The following GRIK3 variants were observed in gnomAD, a reference collection of about 807,000 sequenced individuals.
The protein encoded by GRIK3 is glutamate receptor ionotropic, kainate 3.
In GRIK3, 29 loss-of-function variants were observed where a neutral mutation model predicts 102.5. The observed-to-expected ratio is 0.28, with a 90% CI of 0.21 to 0.39. The LOEUF (loss-of-function observed/expected upper bound fraction) is 0.39. Among genes scored for constraint, GRIK3 ranks in the 10% least tolerant of loss-of-function variants. GRIK3 has a pLI of 1.00. For synonymous variants in GRIK3, 511 were observed against 504.9 expected, an observed-to-expected ratio of 1.01 and a Z score of -0.16; for missense variants, 908 against 1,252.4, an observed-to-expected ratio of 0.73 and a Z score of 4.15.
At position 36,845,642 on chromosome 1, in the gene GRIK3, C is replaced by T. The variant is rs145758113; in HGVS notation, c.1327-3703G>A. Among the ~76,000 whole-genome samples the T allele has an allele frequency of 2.4e-3, 369 of 152,354 alleles. 2 individuals are homozygous for T. Among genetic ancestry groups the T allele is most frequent in the Middle Eastern group, 0.01 (3 of 294 alleles). ...CCACACATGCACGCACAAGTATATACAATGTCCTTGGCACAAATGCACCAC... is the reference window on the plus strand; with the variant it reads ...CCACACATGCACGCACAAGTATATATAATGTCCTTGGCACAAATGCACCAC... On this transcript the variant is annotated intron_variant, in intron 9 of 15. Transcript: ENST00000373091.
At chr1:36,965,611 A>C (rs768266151) in intron 1 of GRIK3, among the ~76,000 whole-genome samples, 19 of 152,146 alleles carry the variant, frequency 1.2e-4, no homozygotes, top group Non-Finnish European at 2.2e-4. Context: ...AGAAGAATTT[A>C]TGACAACTGC....
In GRIK3 at chr1:36,975,237, A is replaced by AT. The variant is rs540680842; in HGVS notation, c.115+58756dup. 7.9e-5 allele frequency among the ~76,000 whole-genome samples: 12 copies of AT among 151,908 alleles called. No homozygotes were observed. In the East Asian group the frequency reaches 2.3e-3, roughly 29 times the overall value. On this transcript the variant is annotated intron_variant, in intron 1 of 15. Coordinates refer to ENST00000373091, the MANE Select transcript of GRIK3 (RefSeq NM_000831.4). ...CACATTGGGACTCAGGTTTTCACAG[A>AT]TAACATCACCCAGGACAAGGCTAAA...
rs548310471 is a variant in GRIK3, at chr1:37,008,711, G to A, written c.115+25283C>T. ...ACTCACCACCCCTGCTCCCAGACAGGGATGGCCCCGCTTGCCTGATGTGGT... is the reference window on the plus strand; with the variant it reads ...ACTCACCACCCCTGCTCCCAGACAGAGATGGCCCCGCTTGCCTGATGTGGT... On this transcript the variant is annotated intron_variant, in intron 1 of 15. Transcript: ENST00000373091. Among the ~76,000 whole-genome samples the A allele has an allele frequency of 5.6e-4, 85 of 152,280 alleles. 1 individual carries two copies. The highest frequency in any genetic ancestry group is 3.4e-3 in the Middle Eastern group (1 of 294).
At chr1:36,997,935 A>C (rs756918755) in intron 1 of GRIK3, among the ~76,000 whole-genome samples, 24 of 152,156 alleles carry the variant, frequency 1.6e-4, no homozygotes, top group Non-Finnish European at 4.4e-5. Flanking sequence ...GGCCATCTCT[A>C]TCTCTCCCTC....
rs751959112 is a variant in GRIK3 at position 36,841,801 on chromosome 1, C to T, written c.1465G>A (p.Gly489Ser). Residue 489 changes from glycine to serine, a missense_variant, in exon 10 of 16, where the codon GGC becomes AGC. Coordinates refer to ENST00000373091, the MANE Select transcript of GRIK3 (RefSeq NM_000831.4). ...FSYEIRLVED[G>S]KYGAQDDKGQ... is the part of the protein sequence containing the mutation. ...TTGTCATCCTGTGCCCCGTACTTGC[C>T]GTCCTCCACCAGCCGGATCTCATAG... 5.6e-6 allele frequency: 9 copies of T among 1,614,202 alleles called. No homozygotes were observed. In the East Asian group the frequency reaches 6.7e-5, roughly 12 times the overall value.
At chr1:37,009,846 G>A (rs1206895734) in intron 1 of GRIK3, among the ~76,000 whole-genome samples, 1 of 152,176 alleles carries the variant, frequency 6.6e-6, no homozygotes, top group Non-Finnish European at 1.5e-5. Flanking sequence ...CTGGCTGACA[G>A]CGACAGTCCT....
In GRIK3 at chr1:36,799,480, T is replaced by G. The variant is rs1170081493; in HGVS notation, c.*2371A>C. On this transcript the variant is annotated 3_prime_UTR_variant, in exon 16 of 16. Coordinates refer to ENST00000373091, the MANE Select transcript of GRIK3 (RefSeq NM_000831.4). Reference sequence around the variant, plus strand: ...CCCCCCGCTCCCCACTGTGCACACATGCCTGTACACATGTGTTCACATGCA... The same window carrying G: ...CCCCCCGCTCCCCACTGTGCACACAGGCCTGTACACATGTGTTCACATGCA... The G allele has an allele frequency of 1.3e-5, 2 of 152,328 alleles. No individual in the cohort carries two copies. The highest frequency in any genetic ancestry group is 2.9e-5 in the Non-Finnish European group (2 of 68,100). The allele number at this position is 152,328 out of a possible 1,614,324, so 9.4% of individuals were successfully genotyped here. A position where few individuals can be genotyped will look rare whatever the true frequency, so the allele number is the denominator to read the frequency against.
intron 1 of GRIK3, among the ~76,000 whole-genome samples, chr1:36,935,243 G>A (rs562135503): frequency 4.0e-5 from 6 of 151,896 alleles, no homozygotes; most frequent in Non-Finnish European, 5.9e-5. Flanking sequence ...AAATATTGGC[G>A]GAATAAATGC....
chr1:36,857,279 G>T (rs1640664074), intron 7 of GRIK3, among the ~76,000 whole-genome samples: 1 of 152,174 alleles, frequency 6.6e-6, no homozygotes, highest in Non-Finnish European at 1.5e-5. Flanking sequence ...CTGCTCAGCT[G>T]GAGGCCTGCT....
intron 1 of GRIK3, among the ~76,000 whole-genome samples, chr1:37,014,186 CA>C (rs1487339811): frequency 1.3e-5 from 2 of 152,234 alleles, no homozygotes; most frequent in East Asian, 3.8e-4. Flanking sequence ...AAGAACTATG[CA>C]TTATTTGTTA....
At chr1:36,941,432 G>A (rs989004688) in intron 1 of GRIK3, among the ~76,000 whole-genome samples, 2 of 152,226 alleles carry the variant, frequency 1.3e-5, no homozygotes, top group Non-Finnish European at 2.9e-5. Flanking sequence ...CAGGGAAAGG[G>A]AATCAAACAG....
chr1:36,997,972 A>T (rs539920767), intron 1 of GRIK3, among the ~76,000 whole-genome samples: 1 of 152,294 alleles, frequency 6.6e-6, no homozygotes, highest in East Asian at 1.9e-4. Flanking sequence ...CTATTAATCC[A>T]GGGTCCAGGG....
At chr1:36,849,341 T>C (rs975418906) in intron 9 of GRIK3, among the ~76,000 whole-genome samples, 8 of 152,218 alleles carry the variant, frequency 5.3e-5, no homozygotes, top group Non-Finnish European at 8.8e-5. Context: ...GACCAGTCTG[T>C]CCTGGGTTCT....
At chr1:37,004,960 A>G (rs568139877) in intron 1 of GRIK3, among the ~76,000 whole-genome samples, 4 of 152,222 alleles carry the variant, frequency 2.6e-5, no homozygotes, top group Admixed American at 2.6e-4. Flanking sequence ...TGGAGCCCTA[A>G]CTAGGCCCCT....
In GRIK3 at chr1:36,949,574, C is replaced by CTTTTTTTTTTTTTTTTTTTTT. The variant is rs60157852; in HGVS notation, c.116-58499_116-58479dup. 5.0e-5 allele frequency among the ~76,000 whole-genome samples: 5 copies of CTTTTTTTTTTTTTTTTTTTTT among 99,668 alleles called. 1 individual carries two copies. Among genetic ancestry groups the CTTTTTTTTTTTTTTTTTTTTT allele is most frequent in the African/African-American group, 1.2e-4 (3 of 25,402 alleles). 65.4% of individuals were successfully genotyped at this position (99,668 alleles called of 152,430 possible). A position where few individuals can be genotyped will look rare whatever the true frequency, so the allele number is the denominator to read the frequency against. Reference sequence around the variant, plus strand: ...TTTTTTTCTTTCTCTCTCTCTCTTTCTTTTTTTTTTTTTTTTTTTTTTTGA... The same window carrying CTTTTTTTTTTTTTTTTTTTTT: ...TTTTTTTCTTTCTCTCTCTCTCTTTCTTTTTTTTTTTTTTTTTTTTTTTTTTTTTTTTTTTTTTTTTTTTGA... On this transcript the variant is annotated intron_variant, in intron 1 of 15. Transcript: ENST00000373091.
intron 1 of GRIK3, among the ~76,000 whole-genome samples, chr1:37,012,117 G>C (rs1255644996): frequency 1.3e-5 from 2 of 152,202 alleles, no homozygotes; most frequent in African/African-American, 4.8e-5. Context: ...CAAGGTTTTT[G>C]AAATGGAAAA....
chr1:36,856,267 T>G (rs1009869615), intron 7 of GRIK3, among the ~76,000 whole-genome samples: 17 of 152,184 alleles, frequency 1.1e-4, no homozygotes, highest in Non-Finnish European at 1.8e-4. Flanking sequence ...GAGGGAAGCC[T>G]TCCTGCCTGT....
At chr1:36,820,817 GA>G (rs1343611703) in intron 11 of GRIK3, among the ~76,000 whole-genome samples, 1 of 152,152 alleles carries the variant, frequency 6.6e-6, no homozygotes. Context: ...ATATGACAGG[GA>G]AAAAATGATT....
chr1:36,975,308 T>TTTTTTTA (rs1642184477), intron 1 of GRIK3, among the ~76,000 whole-genome samples: 1 of 149,230 alleles, frequency 6.7e-6, no homozygotes, highest in African/African-American at 2.5e-5. Flanking sequence ...TTTTTTTTTT[T>TTTTTTTA]GAGAGGGAGT....
Sources: gnomAD v4.1 joint callset for allele counts (sites outside exome capture counted in the v4.1 genomes callset) on GRCh38, gnomAD v4.1.1 for gene constraint, MANE v1.5 for transcripts, NCBI Gene and HGNC (gene_info 2026-07-23, HGNC 2026-07-21) for gene names.